The following NCOR2 variants were observed in gnomAD, a reference collection of about 807,000 sequenced individuals.
The protein encoded by NCOR2 is CTG repeat protein 26.
In NCOR2, 81 loss-of-function variants were observed where a neutral mutation model predicts 262.9. That is an observed-to-expected ratio of 0.31 (90% CI 0.26 to 0.37). The LOEUF (loss-of-function observed/expected upper bound fraction) is 0.37. Ranked by LOEUF, NCOR2 falls within the 10% of genes least tolerant of loss-of-function variation. The pLI is 1.00. For synonymous variants in NCOR2, 1,659 were observed against 1,559.3 expected (o/e 1.06, Z -1.51); for missense variants, 3,385 against 3,621.4 (o/e 0.93, Z 1.68).
In NCOR2 at chr12:124,388,885, G is replaced by C. The variant is rs554402665; in HGVS notation, c.1877-2998C>G. 1.6e-4 allele frequency: 87 copies of C among 552,288 alleles called. 5 individuals are homozygous for C. Among genetic ancestry groups the C allele is most frequent in the East Asian group, 7.2e-4 (9 of 12,504 alleles). The allele number at this position is 552,288 out of a possible 1,614,324, so 34.2% of individuals were successfully genotyped here. A position where few individuals can be genotyped will look rare whatever the true frequency, so the allele number is the denominator to read the frequency against. On this transcript the variant is annotated intron_variant, in intron 16 of 46. Coordinates refer to ENST00000405201, the Ensembl canonical transcript of NCOR2. ...CACGGTGAGGGAGGGAGGGAGGGAG[G>C]GAGGGAGGGAGCGAGGGAGGGAGGG...
intron 1 of NCOR2, among the ~76,000 whole-genome samples, chr12:124,560,188 A>G (rs1294977882): frequency 6.6e-6 from 1 of 152,242 alleles, no homozygotes; most frequent in Non-Finnish European, 1.5e-5. Flanking sequence ...GTAGTATATT[A>G]GGGATCGGCA....
At chr12:124,561,548 C>T (rs1211094119) in intron 1 of NCOR2, among the ~76,000 whole-genome samples, 3 of 151,930 alleles carry the variant, frequency 2.0e-5, no homozygotes, top group Non-Finnish European at 2.9e-5. Flanking sequence ...CCCCAGAGGC[C>T]GGTGGGAGAG....
chr12:124,379,976 TGTGGACGCTTTG>T (rs2040292563), intron 17 of NCOR2, among the ~76,000 whole-genome samples: 1 of 152,152 alleles, frequency 6.6e-6, no homozygotes. Flanking sequence ...AGCACAGCCC[TGTGGACGCTTTG>T]GTTCCAGACG....
Position 124,495,153 on chromosome 12 carries a change from C to A in NCOR2, c.99G>T (p.Thr33=). Residue 33 remains threonine (T), a synonymous_variant, in exon 1 of 47, where the codon ACG becomes ACT. Transcript: ENST00000405201. The surrounding 1 kb of genome is among the most constrained non-coding windows in gnomAD (Gnocchi z 4.4). ...CACATGTGCACCCCCTTACCGTGTGCGTCCGGGCGATCTGCACTGGGTAGG... is the reference window on the plus strand; with the variant it reads ...CACATGTGCACCCCCTTACCGTGTGAGTCCGGGCGATCTGCACTGGGTAGG... The A allele has an allele frequency of 1.2e-6, 2 of 1,613,790 alleles. No homozygotes were observed. The highest frequency in any genetic ancestry group is 1.7e-6 in the Non-Finnish European group (2 of 1,179,908).
intron 18 of NCOR2, among the ~76,000 whole-genome samples, chr12:124,375,557 C>T (rs1310735113): frequency 1.3e-5 from 2 of 152,308 alleles, no homozygotes; most frequent in East Asian, 3.9e-4. Flanking sequence ...GCATCTGACA[C>T]ACAGTAGGTG....
chr12:124,496,071 C>T (rs1160389176), upstream of NCOR2, among the ~76,000 whole-genome samples: 2 of 152,026 alleles, frequency 1.3e-5, no homozygotes, highest in East Asian at 1.9e-4. The surrounding 1 kb of genome is among the most constrained non-coding windows in gnomAD (Gnocchi z 4.4). Flanking sequence ...GAGCCTTCCA[C>T]GGGAGAGGAT....
upstream of NCOR2, among the ~76,000 whole-genome samples, chr12:124,499,429 A>T (rs2048564593): frequency 6.6e-6 from 1 of 152,254 alleles, no homozygotes; most frequent in Admixed American, 6.5e-5. Flanking sequence ...GGAGGGTCTC[A>T]GGCCAGGGGC....
rs5801559 is a variant in NCOR2, at chr12:124,523,636, T to TAAAAAAAAAAAA, written c.-118+11917_-118+11928dup. On this transcript the variant is annotated intron_variant, in intron 1 of 46. Transcript: ENST00000404621. This position sits in a 1 kb window ranked among gnomAD's most constrained non-coding sequence, Gnocchi z 4.0. ...CTAACACTAACCATAGCTGATGAAC[T>TAAAAAAAAAAAA]AAAAAAAAAAAAAACAAAAAACCGA... Among the ~76,000 whole-genome samples the TAAAAAAAAAAAA allele has an allele frequency of 7.2e-6, 1 of 138,582 alleles. No individual in the cohort carries two copies. The highest frequency in any genetic ancestry group is 2.8e-5 in the African/African-American group (1 of 36,012). The allele number at this position is 138,582 out of a possible 152,430, so 90.9% of individuals were successfully genotyped here. A position where few individuals can be genotyped will look rare whatever the true frequency, so the allele number is the denominator to read the frequency against.
At chr12:124,402,987 C>T (rs1377855045) in intron 13 of NCOR2, among the ~76,000 whole-genome samples, 1 of 152,184 alleles carries the variant, frequency 6.6e-6, no homozygotes, top group Non-Finnish European at 1.5e-5. Flanking sequence ...ACCATGCTTA[C>T]ATCCGCATCT....
At chr12:124,554,842 A>G (rs1451081220) in intron 1 of NCOR2, among the ~76,000 whole-genome samples, 1 of 152,242 alleles carries the variant, frequency 6.6e-6, no homozygotes, top group Non-Finnish European at 1.5e-5. Context: ...GCCAAGACAG[A>G]CAGGGTCAGC....
Position 124,483,628 on chromosome 12 carries a change from C to G in NCOR2, c.379G>C (p.Gly127Arg), listed in dbSNP as rs753414112. 9 of 1,609,112 alleles carry G rather than the reference C, an allele frequency of 5.6e-6. No individual in the cohort carries two copies. In the South Asian group the frequency reaches 1.0e-4, roughly 18 times the overall value. Residue 127 changes from glycine to arginine, a missense_variant, in exon 3 of 47, where the codon GGC (glycine) becomes CGC (arginine). Transcript: ENST00000405201. This position sits in a 1 kb window ranked among gnomAD's most constrained non-coding sequence, Gnocchi z 6.3. ...AGGTCTTCAGATCCCGCAGGCTGGC[C>G]CGTGGCCAGCAGGGGTGACGGTCGC...
At chr12:124,506,769 G>C (rs148544195) in intron 1 of NCOR2, among the ~76,000 whole-genome samples, 1 of 152,198 alleles carries the variant, frequency 6.6e-6, no homozygotes, top group African/African-American at 2.4e-5. Flanking sequence ...AGTCAGAGAG[G>C]AGGCTGGTGT....
chr12:124,372,266 T>C, exon 20 of NCOR2: 1 of 1,577,066 alleles, frequency 6.3e-7, no homozygotes, highest in Non-Finnish European at 8.6e-7. Flanking sequence ...GCCTTCCCTG[T>C]GTCCACTGCC....
chr12:124,399,885 G>T (rs1039121977), intron 15 of NCOR2, among the ~76,000 whole-genome samples: 2 of 152,120 alleles, frequency 1.3e-5, no homozygotes, highest in African/African-American at 4.8e-5. Context: ...CTACTTTCTG[G>T]GAGGGTAGTG....
In NCOR2 at chr12:124,335,570, TG is replaced by T; in HGVS notation, c.6177del (p.Ser2060ValfsTer2). 1 of 1,609,524 alleles carries T rather than the reference TG, an allele frequency of 6.2e-7. No homozygotes were observed. ...GGGAGCCCCTTGTCGTGGGTCAGAC[TG>T]GGTGAGCTCACAGGGCTGACGGGCT... On this transcript the variant is annotated frameshift_variant, in exon 39 of 47. Coordinates refer to ENST00000405201, the Ensembl canonical transcript of NCOR2. LOFTEE classifies it high-confidence loss of function.
intron 37 of NCOR2, among the ~76,000 whole-genome samples, chr12:124,338,634 C>T (rs2036106414): frequency 6.6e-6 from 1 of 152,016 alleles, no homozygotes; most frequent in South Asian, 2.1e-4. Context: ...GGGCCTCTCC[C>T]ATCTCAGAGA....
intron 7 of NCOR2, among the ~76,000 whole-genome samples, chr12:124,444,553 G>A (rs1482801593): frequency 6.6e-6 from 1 of 152,158 alleles, no homozygotes; most frequent in Non-Finnish European, 1.5e-5. Context: ...TGAGGCCTGA[G>A]AGAAGCAGAG....
chr12:124,352,727 C>T (rs927181600), intron 27 of NCOR2, among the ~76,000 whole-genome samples: 3 of 152,190 alleles, frequency 2.0e-5, no homozygotes, highest in Admixed American at 6.5e-5. Context: ...GGACAGAGAA[C>T]AGAAATCCAG....
rs188760714 is a variant in NCOR2 at position 124,411,696 on chromosome 12, A to G, written c.1482+8261T>C. Among the ~76,000 whole-genome samples, 331 of 152,356 alleles carry G rather than the reference A, an allele frequency of 2.2e-3. 1 individual carries two copies. Among genetic ancestry groups the G allele is most frequent in the African/African-American group, 7.6e-3 (318 of 41,582 alleles). ...CCCTTCCATCAATGAATCATGGACT[A>G]TAAACCACTGTGCCAGCGCTTGAGC... On this transcript the variant is annotated intron_variant, in intron 13 of 46. Coordinates refer to ENST00000405201, the Ensembl canonical transcript of NCOR2.
Sources: gnomAD v4.1 joint callset for allele counts (sites outside exome capture counted in the v4.1 genomes callset) on GRCh38, gnomAD v4.1.1 for gene constraint, Gnocchi (gnomAD v3.1) non-coding constraint, MANE v1.5 for transcripts, NCBI Gene and HGNC (gene_info 2026-07-23, HGNC 2026-07-21) for gene names.